Variants in PCCA observed in about 807,000 individuals in gnomAD.
The protein encoded by PCCA is propionyl-CoA carboxylase alpha chain, mitochondrial.
PCCA carries 74 observed loss-of-function variants against 101.3 expected under a neutral mutation model. The ratio of observed to expected loss-of-function variants is 0.73; its 90% CI spans 0.61 to 0.89. The LOEUF (loss-of-function observed/expected upper bound fraction) is 0.89, where lower values mean the gene tolerates loss of function less well. PCCA is among the 40% of genes least tolerant of loss of function. The pLI is 0.00. For missense variants in PCCA, 891 were observed against 907.0 expected, an observed-to-expected ratio of 0.98 and a Z score of 0.23; for synonymous variants, 294 against 313.6, an observed-to-expected ratio of 0.94 and a Z score of 0.66.
At chr13:100,325,340 G>A (rs2068545064) in intron 16 of PCCA, among the ~76,000 whole-genome samples, 1 of 152,146 alleles carries the variant, frequency 6.6e-6, no homozygotes. Flanking sequence ...ATATAAAGCT[G>A]GAGAATGTAT....
intron 4 of PCCA, among the ~76,000 whole-genome samples, chr13:100,117,285 A>G (rs965445593): frequency 6.6e-6 from 1 of 152,210 alleles, no homozygotes; most frequent in Non-Finnish European, 1.5e-5. Flanking sequence ...GAAAAAAATT[A>G]GAAAAGTAGT....
At chr13:100,120,177 C>CTT (rs11289175) in intron 4 of PCCA, among the ~76,000 whole-genome samples, 15 of 131,048 alleles carry the variant, frequency 1.1e-4, no homozygotes, top group African/African-American at 2.1e-4. Flanking sequence ...TTTCAGATTA[C>CTT]TTTTTTTTTT....
chr13:100,304,395 C>G (rs2066299253), intron 14 of PCCA, among the ~76,000 whole-genome samples: 1 of 152,302 alleles, frequency 6.6e-6, no homozygotes, highest in Admixed American at 6.5e-5. Context: ...TGGGAGCAAT[C>G]AAATTGATGT....
intron 21 of PCCA, among the ~76,000 whole-genome samples, chr13:100,450,727 A>G (rs867167759): frequency 6.6e-6 from 1 of 152,246 alleles, no homozygotes. Flanking sequence ...ATAGAGATGT[A>G]TATATAATTT....
At chr13:100,303,121 C>T (rs1022413288) in intron 14 of PCCA, 123 bp downstream of exon 14, 1 of 760,860 alleles carries the variant, frequency 1.3e-6, no homozygotes, top group East Asian at 2.5e-5. Flanking sequence ...TCATGGGAAT[C>T]ATGGTTTTTG....
intron 19 of PCCA, among the ~76,000 whole-genome samples, chr13:100,380,529 A>C (rs1324210268): frequency 6.6e-6 from 1 of 152,216 alleles, no homozygotes; most frequent in Non-Finnish European, 1.5e-5. Context: ...AAATAAGCCC[A>C]AAAATATATG....
intron 4 of PCCA, among the ~76,000 whole-genome samples, chr13:100,148,392 A>G (rs1033246359): frequency 1.3e-5 from 2 of 152,088 alleles, no homozygotes; most frequent in Non-Finnish European, 2.9e-5. Flanking sequence ...ACATCCAGCC[A>G]TATGTACAGT....
chr13:100,351,894 T>C (rs962429202), intron 18 of PCCA, among the ~76,000 whole-genome samples: 7 of 152,176 alleles, frequency 4.6e-5, no homozygotes, highest in African/African-American at 1.7e-4. Context: ...TCCTGTGATA[T>C]TTGGAAAATA....
At chr13:100,198,140 G>A (rs1012643159) in intron 6 of PCCA, 1 of 152,342 alleles carries the variant, frequency 6.6e-6, no homozygotes, top group Admixed American at 6.5e-5. Context: ...AGGATGAGTT[G>A]TTCTCTATTC....
chr13:100,287,028 C>T (rs1180310234), intron 12 of PCCA, among the ~76,000 whole-genome samples: 6 of 152,088 alleles, frequency 3.9e-5, no homozygotes, highest in Non-Finnish European at 7.4e-5. Flanking sequence ...GAAATCTTCA[C>T]TTCATTTGGA....
intron 21 of PCCA, among the ~76,000 whole-genome samples, chr13:100,461,885 G>A (rs1414502221): frequency 6.6e-6 from 1 of 152,172 alleles, no homozygotes; most frequent in East Asian, 1.9e-4. Context: ...AAAGTATCTG[G>A]CATAGAAACC....
intron 10 of PCCA, among the ~76,000 whole-genome samples, chr13:100,263,961 A>G (rs1186219041): frequency 1.3e-5 from 2 of 150,262 alleles, no homozygotes; most frequent in Non-Finnish European, 3.0e-5. Flanking sequence ...TCTGTATGTC[A>G]TATATACGGT....
chr13:100,396,546 A>G (rs931770294), intron 19 of PCCA, among the ~76,000 whole-genome samples: 1 of 152,202 alleles, frequency 6.6e-6, no homozygotes, highest in Non-Finnish European at 1.5e-5. Flanking sequence ...AAATAAGACA[A>G]AAGGGAGCCA....
At chr13:100,375,062 T>C (rs1166971849) in intron 19 of PCCA, among the ~76,000 whole-genome samples, 1 of 152,202 alleles carries the variant, frequency 6.6e-6, no homozygotes, top group African/African-American at 2.4e-5. Context: ...TTCTGGTACA[T>C]TGTGTCTTTG....
chr13:100,093,746 C>G (rs1254684680), intron 1 of PCCA, among the ~76,000 whole-genome samples: 1 of 151,864 alleles, frequency 6.6e-6, no homozygotes, highest in Non-Finnish European at 1.5e-5. Context: ...ATACCACCCC[C>G]ACCCCCGGCT....
At chr13:100,257,154 A>C (rs1324241659) in intron 8 of PCCA, among the ~76,000 whole-genome samples, 1 of 152,220 alleles carries the variant, frequency 6.6e-6, no homozygotes, top group African/African-American at 2.4e-5. Context: ...GTGACTCTTC[A>C]GATGAAAATA....
chr13:100,380,934 T>C (rs1390301576), intron 19 of PCCA, among the ~76,000 whole-genome samples: 1 of 152,234 alleles, frequency 6.6e-6, no homozygotes, highest in African/African-American at 2.4e-5. Context: ...AAGATCTGAA[T>C]AGACGTTTCT....
chr13:100,361,106 A>G (rs2074525892), intron 18 of PCCA, among the ~76,000 whole-genome samples: 1 of 152,102 alleles, frequency 6.6e-6, no homozygotes, highest in Non-Finnish European at 1.5e-5. Context: ...ACCTATGGAG[A>G]TGGTAGAGAT....
chr13:100,492,773 G>GA (rs1240262221), intron 21 of PCCA, among the ~76,000 whole-genome samples: 1 of 151,126 alleles, frequency 6.6e-6, no homozygotes, highest in African/African-American at 2.4e-5. Flanking sequence ...CAGAGAAGGA[G>GA]AAAAGAAAAG....
Sources: gnomAD v4.1 joint callset for allele counts (sites outside exome capture counted in the v4.1 genomes callset) on GRCh38, gnomAD v4.1.1 for gene constraint, MANE v1.5 for transcripts, NCBI Gene and HGNC (gene_info 2026-07-23, HGNC 2026-07-21) for gene names.